Variants in PHKB observed in about 807,000 individuals in gnomAD.
The protein encoded by PHKB is phosphorylase kinase regulatory subunit beta.
A neutral mutation model predicts 152.1 loss-of-function variants in PHKB; 122 were observed. The ratio of observed to expected loss-of-function variants is 0.80; its 90% CI spans 0.69 to 0.93. The LOEUF is 0.93. PHKB is among the 40% of genes least tolerant of loss of function. The pLI is 0.00. For missense variants in PHKB, 1,304 were observed against 1,328.4 expected, an observed-to-expected ratio of 0.98 and a Z score of 0.29; for synonymous variants, 436 against 464.9, an observed-to-expected ratio of 0.94 and a Z score of 0.80.
chr16:47,549,442 C>T (rs1971232442), intron 7 of PHKB, among the ~76,000 whole-genome samples: 2 of 152,122 alleles, frequency 1.3e-5, no homozygotes, highest in African/African-American at 4.8e-5. Flanking sequence ...TGTAATCCAA[C>T]ACTTTGGGAG....
rs144932435 is a variant in PHKB at position 47,587,773 on chromosome 16, T to A, written c.870+10T>A. The A allele has an allele frequency of 4.8e-4, 745 of 1,558,954 alleles. 9 individuals carry two copies. In the East Asian group the frequency reaches 0.016, roughly 34 times the overall value. ...AGAATCAAGATCACATGTGAGACAT[T>A]TAATAATGATAAATTTAACATGAAC... On this transcript the variant is annotated intron_variant, in intron 9 of 30. Coordinates refer to ENST00000323584, the MANE Select transcript of PHKB (RefSeq NM_000293.3).
intron 14 of PHKB, among the ~76,000 whole-genome samples, chr16:47,612,256 C>G (rs1020173856): frequency 6.6e-6 from 1 of 152,206 alleles, no homozygotes; most frequent in African/African-American, 2.4e-5. Flanking sequence ...GTGTGACCCA[C>G]TTCTCTAGAG....
intron 14 of PHKB, among the ~76,000 whole-genome samples, chr16:47,628,318 G>A (rs945788011): frequency 2.0e-5 from 3 of 152,162 alleles, no homozygotes; most frequent in Admixed American, 6.5e-5. Flanking sequence ...GGATCATGAG[G>A]TCAGGAGATC....
chr16:47,604,233 G>A (rs1972284682), intron 13 of PHKB, among the ~76,000 whole-genome samples: 1 of 152,022 alleles, frequency 6.6e-6, no homozygotes, highest in Admixed American at 6.6e-5. Flanking sequence ...TATATATTAA[G>A]TGTATAAAAC....
intron 6 of PHKB, among the ~76,000 whole-genome samples, chr16:47,538,796 C>T (rs1158831766): frequency 1.3e-5 from 2 of 152,186 alleles, no homozygotes; most frequent in African/African-American, 4.8e-5. Flanking sequence ...CCAGTTCCCT[C>T]CCATGTGCTT....
At chr16:47,658,310 A>G (rs1973375309) in intron 20 of PHKB, among the ~76,000 whole-genome samples, 2 of 152,040 alleles carry the variant, frequency 1.3e-5, no homozygotes, top group South Asian at 4.2e-4. Flanking sequence ...TTCTGATTGC[A>G]TGTTACTTTA....
intron 1 of PHKB, 77 bp downstream of exon 1, chr16:47,461,503 A>T: frequency 6.9e-6 from 10 of 1,455,266 alleles, no homozygotes; most frequent in Non-Finnish European, 9.6e-6. Context: ...GGCGGGAGGC[A>T]GGTGGGGGCC....
intron 18 of PHKB, 30 bp from the exon 19 acceptor site, chr16:47,650,514 C>T (rs764834091): frequency 7.8e-7 from 1 of 1,277,036 alleles, no homozygotes; most frequent in South Asian, 1.2e-5. Flanking sequence ...GATACTGTGC[C>T]ATTACATCCT....
At chr16:47,638,964 A>G (rs1391383132) in intron 14 of PHKB, among the ~76,000 whole-genome samples, 3 of 152,212 alleles carry the variant, frequency 2.0e-5, no homozygotes, top group Non-Finnish European at 4.4e-5. Context: ...GAGAGACTTA[A>G]TGGGTTTTGG....
chr16:47,543,680 C>T (rs1011795305), intron 6 of PHKB, among the ~76,000 whole-genome samples: 10 of 152,060 alleles, frequency 6.6e-5, no homozygotes, highest in Admixed American at 2.6e-4. Context: ...ATTTCAGAGC[C>T]TATTATTGAT....
At chr16:47,474,728 G>GA in intron 1 of PHKB, among the ~76,000 whole-genome samples, 1 of 143,420 alleles carries the variant, frequency 7.0e-6, no homozygotes, top group South Asian at 2.2e-4. Flanking sequence ...CTATTTTCTT[G>GA]TTTTTTTTTT....
chr16:47,645,323 C>T (rs1597146711), intron 16 of PHKB, among the ~76,000 whole-genome samples: 1 of 131,500 alleles, frequency 7.6e-6, no homozygotes, highest in East Asian at 2.1e-4. Context: ...CCTAGGTTTT[C>T]TTCTAGGGTT....
intron 26 of PHKB, among the ~76,000 whole-genome samples, chr16:47,687,106 T>G (rs1025156450): frequency 6.6e-6 from 1 of 152,202 alleles, no homozygotes; most frequent in African/African-American, 2.4e-5. Flanking sequence ...CAGGCAGGTC[T>G]TCCGATGTTT....
At chr16:47,542,526 A>G (rs1208745078) in intron 6 of PHKB, among the ~76,000 whole-genome samples, 2 of 152,126 alleles carry the variant, frequency 1.3e-5, no homozygotes, top group East Asian at 1.9e-4. Context: ...CTTTTTTCCA[A>G]TTCTGTGAAG....
chr16:47,478,068 T>C (rs1424239976), intron 1 of PHKB, among the ~76,000 whole-genome samples: 1 of 152,186 alleles, frequency 6.6e-6, no homozygotes, highest in Non-Finnish European at 1.5e-5. Flanking sequence ...AGAAGTGATA[T>C]AACATCTATT....
chr16:47,566,581 C>G (rs1971571095), intron 7 of PHKB: 8 of 1,531,154 alleles, frequency 5.2e-6, no homozygotes, highest in Non-Finnish European at 7.2e-6. Flanking sequence ...TCTGTCACAT[C>G]ATAGGGTAGG....
chr16:47,696,628 A>C (rs1171684408), intron 29 of PHKB, 140 bp downstream of exon 29: 1 of 695,226 alleles, frequency 1.4e-6, no homozygotes, highest in Non-Finnish European at 2.6e-6. Context: ...CCAGAACCCT[A>C]TTCTTTCCGG....
At chr16:47,546,559 G>C (rs1438403728) in intron 6 of PHKB, among the ~76,000 whole-genome samples, 1 of 152,178 alleles carries the variant, frequency 6.6e-6, no homozygotes, top group Non-Finnish European at 1.5e-5. Flanking sequence ...GCTACATGGG[G>C]GTCAGGGACC....
At chr16:47,601,210 C>T (rs1402438134) in intron 13 of PHKB, among the ~76,000 whole-genome samples, 2 of 152,046 alleles carry the variant, frequency 1.3e-5, no homozygotes, top group Non-Finnish European at 2.9e-5. Context: ...GAGTGAGACC[C>T]TGTCTCAAAA....
Sources: allele counts gnomAD v4.1 joint callset (sites outside exome capture counted in the v4.1 genomes callset), GRCh38; gene constraint gnomAD v4.1.1; transcripts MANE v1.5; gene names NCBI Gene and HGNC (gene_info 2026-07-23, HGNC 2026-07-21).